Variants in RB1 observed in about 807,000 individuals in gnomAD.
RB1 encodes retinoblastoma-associated protein.
In RB1, 18 loss-of-function variants were observed where a neutral mutation model predicts 135.4. That is an observed-to-expected ratio of 0.13 (90% CI 0.09 to 0.20). The LOEUF is 0.20. Among genes scored for constraint, RB1 ranks in the 10% least tolerant of loss-of-function variants. The pLI is 1.00. For synonymous variants in RB1, 365 were observed against 373.2 expected (o/e 0.98, Z 0.25); for missense variants, 868 against 1,110.0 (o/e 0.78, Z 3.10).
chr13:48,318,563 G>T, intron 2 of RB1: 2 of 693,210 alleles, frequency 2.9e-6, no homozygotes, highest in Non-Finnish European at 4.9e-6. Flanking sequence ...CGCTGGCTTT[G>T]CCCTGGACGG....
chr13:48,369,943 T>C (rs1193217596), intron 11 of RB1, among the ~76,000 whole-genome samples: 1 of 152,348 alleles, frequency 6.6e-6, no homozygotes. Flanking sequence ...ATAACCTTTT[T>C]GTTCACTGTC....
intron 2 of RB1, among the ~76,000 whole-genome samples, chr13:48,332,631 A>G (rs1384334629): frequency 1.3e-5 from 2 of 152,196 alleles, no homozygotes; most frequent in Non-Finnish European, 2.9e-5. Flanking sequence ...AATTTACAGC[A>G]TGGTTGATTA....
chr13:48,365,945 T>A (rs1952691809), intron 9 of RB1, among the ~76,000 whole-genome samples: 1 of 152,106 alleles, frequency 6.6e-6, no homozygotes, highest in South Asian at 2.1e-4. Context: ...GGCTGATAGG[T>A]TTTGTGGAAA....
In RB1 at chr13:48,322,834, T is replaced by C. The variant is rs140329275; in HGVS notation, c.264+15428T>C. On this transcript the variant is annotated intron_variant, in intron 2 of 26. Transcript: ENST00000267163. ...TAGTATATTAGTTGATTTTCAGGTG[T>C]TAAACCAACATTGCATCTCTGGAAT... 5.5e-3 allele frequency among the ~76,000 whole-genome samples: 845 copies of C among 152,338 alleles called. 5 individuals are homozygous for C. Among genetic ancestry groups the C allele is most frequent in the Middle Eastern group, 0.01 (3 of 294 alleles).
intron 17 of RB1, chr13:48,423,883 A>G (rs1222491668): frequency 2.6e-5 from 4 of 152,288 alleles, no homozygotes; most frequent in Admixed American, 1.3e-4. Context: ...ATGAATAGCC[A>G]CAGCACTCCA....
rs1432093310 is a variant in RB1, at chr13:48,476,854, G to A, written c.2663+11G>A. ...TGAAGCAGATGGAAGGTAGGAACCA[G>A]TTTTGAATGTTTTCCAGTAGCCGAG... On this transcript the variant is annotated intron_variant, in intron 25 of 26. Transcript: ENST00000267163. 6.2e-7 allele frequency: 1 copy of A among 1,613,038 alleles called. No individual in the cohort carries two copies. Among genetic ancestry groups the A allele is most frequent in the South Asian group, 1.1e-5 (1 of 91,026 alleles).
chr13:48,347,727 A>C (rs1453967522), intron 4 of RB1, 98 bp from the exon 5 acceptor site: 2 of 833,020 alleles, frequency 2.4e-6, no homozygotes, highest in African/African-American at 3.5e-5. Flanking sequence ...TTTTTAAAAT[A>C]TATACTTCTT....
chr13:48,310,206 A>G (rs986411449), intron 2 of RB1, among the ~76,000 whole-genome samples: 3 of 152,184 alleles, frequency 2.0e-5, no homozygotes, highest in Non-Finnish European at 2.9e-5. Flanking sequence ...TATCTAAGGG[A>G]GAATGTGATA....
At chr13:48,407,571 T>C (rs940849520) in intron 17 of RB1, among the ~76,000 whole-genome samples, 6 of 152,358 alleles carry the variant, frequency 3.9e-5, no homozygotes, top group African/African-American at 1.4e-4. Context: ...AGGAGTTATG[T>C]ACATGCTGAT....
intron 14 of RB1, 104 bp downstream of exon 14, chr13:48,379,754 C>T (rs191504668): frequency 5.5e-4 from 756 of 1,384,450 alleles, no homozygotes; most frequent in Middle Eastern, 3.3e-3. Context: ...GAGGTCAAGG[C>T]ATCAAGATCA....
At position 48,307,517 on chromosome 13, in the gene RB1, A is replaced by C. The variant is rs141609827; in HGVS notation, c.264+111A>C. Reference sequence around the variant, plus strand: ...AAAAATATAAAGACAATAAAAGCTAATAATAATTCCATTACCCAGAGGAAA... The same window carrying C: ...AAAAATATAAAGACAATAAAAGCTACTAATAATTCCATTACCCAGAGGAAA... On this transcript the variant is annotated intron_variant, in intron 2 of 26. Coordinates refer to ENST00000267163, the MANE Select transcript of RB1 (RefSeq NM_000321.3). 9.0e-5 allele frequency: 105 copies of C among 1,168,444 alleles called. No homozygotes were observed. The African/African-American group carries it at 1.5e-3, about 17-fold the overall frequency. The allele number at this position is 1,168,444 out of a possible 1,614,324, so 72.4% of individuals were successfully genotyped here.
chr13:48,377,418 A>T (rs1196171345), intron 13 of RB1, among the ~76,000 whole-genome samples: 1 of 152,142 alleles, frequency 6.6e-6, no homozygotes, highest in Non-Finnish European at 1.5e-5. Context: ...ATTGAGTGAT[A>T]TTATTTCAGG....
chr13:48,370,732 T>C (rs1418847350), intron 11 of RB1, among the ~76,000 whole-genome samples: 3 of 152,178 alleles, frequency 2.0e-5, no homozygotes, highest in Non-Finnish European at 2.9e-5. Flanking sequence ...TTTTGGGTTT[T>C]TATGGAGGCC....
chr13:48,399,809 A>G (rs900138840), intron 17 of RB1, among the ~76,000 whole-genome samples: 2 of 151,988 alleles, frequency 1.3e-5, no homozygotes, highest in African/African-American at 4.8e-5. Flanking sequence ...CCTGAGTCCT[A>G]TGTCTGATCC....
chr13:48,357,088 CT>C lies in RB1; in HGVS notation c.608-2918del, dbSNP rs879849795. Among the ~76,000 whole-genome samples, 1,224 of 145,108 alleles carry C rather than the reference CT, an allele frequency of 8.4e-3. 18 individuals are homozygous for C. Among genetic ancestry groups the C allele is most frequent in the African/African-American group, 0.027 (1,087 of 39,774 alleles). ...TCTTGATTTTGTTATTCTGTATTAG[CT>C]TTTTTTTTTTGAACACCGTATCCCT... On this transcript the variant is annotated intron_variant, in intron 6 of 26. Coordinates refer to ENST00000267163, the MANE Select transcript of RB1 (RefSeq NM_000321.3).
chr13:48,455,141 G>C (rs1476452675), intron 18 of RB1, among the ~76,000 whole-genome samples: 1 of 152,236 alleles, frequency 6.6e-6, no homozygotes, highest in Non-Finnish European at 1.5e-5. Flanking sequence ...AAATTAATAG[G>C]TTTTACATTG....
chr13:48,335,113 T>C (rs1952371358), intron 2 of RB1, among the ~76,000 whole-genome samples: 1 of 152,132 alleles, frequency 6.6e-6, no homozygotes, highest in South Asian at 2.1e-4. Context: ...TCTTCTTTTT[T>C]GTTTTTTCAC....
intron 1 of RB1, among the ~76,000 whole-genome samples, chr13:48,306,375 A>T (rs1186858454): frequency 1.3e-5 from 2 of 152,226 alleles, no homozygotes; most frequent in African/African-American, 4.8e-5. Context: ...ACTGCACCCC[A>T]GCCTGGATGA....
intron 17 of RB1, among the ~76,000 whole-genome samples, chr13:48,413,768 G>C (rs922530759): frequency 6.6e-6 from 1 of 152,068 alleles, no homozygotes; most frequent in Non-Finnish European, 1.5e-5. Flanking sequence ...ACAAACTCAA[G>C]AATGTTTATC....
Sources: allele counts gnomAD v4.1 joint callset (sites outside exome capture counted in the v4.1 genomes callset), GRCh38; gene constraint gnomAD v4.1.1; transcripts MANE v1.5; gene names NCBI Gene and HGNC (gene_info 2026-07-23, HGNC 2026-07-21).